PARVB: variants seen among roughly 807,000 people sequenced by gnomAD.
The protein encoded by PARVB is beta-parvin.
In PARVB, 46 loss-of-function variants were observed where a neutral mutation model predicts 47.0. The observed-to-expected ratio is 0.98, with a 90% CI of 0.77 to 1.25. The LOEUF is 1.25. Among genes scored for constraint, PARVB ranks in the 50% most tolerant of loss-of-function variants. PARVB has a pLI of 0.00. For missense variants in PARVB, 473 were observed against 471.6 expected (o/e 1.00, Z -0.03); for synonymous variants, 196 against 196.3 (o/e 1.00, Z 0.01).
intron 11 of PARVB, among the ~76,000 whole-genome samples, chr22:44,160,216 C>T (rs1182395409): frequency 1.3e-5 from 2 of 152,202 alleles, no homozygotes; most frequent in African/African-American, 2.4e-5. Flanking sequence ...CTCCCTCTCT[C>T]TGTCGAGTGG....
chr22:44,139,207 GTTTA>G (rs1555910197), intron 7 of PARVB: 2 of 152,136 alleles, frequency 1.3e-5, no homozygotes, highest in African/African-American at 2.4e-5. Flanking sequence ...GTGTTTGTTT[GTTTA>G]TTTATTTATT....
At chr22:44,016,033 AT>A (rs1283159351) in intron 2 of PARVB, among the ~76,000 whole-genome samples, 1 of 149,376 alleles carries the variant, frequency 6.7e-6, no homozygotes. Context: ...CCAACAACGC[AT>A]TTTTTTGGGA....
In PARVB at chr22:44,169,687, C is replaced by G. The variant is rs1034267463; in HGVS notation, c.*1009C>G. 1 of 149,610 alleles carries G rather than the reference C, an allele frequency of 6.7e-6. No individual in the cohort carries two copies. The highest frequency in any genetic ancestry group is 1.5e-5 in the Non-Finnish European group (1 of 68,096). 9.3% of individuals were successfully genotyped at this position (149,610 alleles called of 1,614,324 possible). On this transcript the variant is annotated 3_prime_UTR_variant, in exon 13 of 13. Coordinates refer to ENST00000338758, the MANE Select transcript of PARVB (RefSeq NM_013327.5). Reference sequence around the variant, plus strand: ...CTCTGTGTGTCTGTGTCCTCACCGCCTCTTTTATTTTATTTTTTATTTTTG... The same window carrying G: ...CTCTGTGTGTCTGTGTCCTCACCGCGTCTTTTATTTTATTTTTTATTTTTG...
intron 1 of PARVB, among the ~76,000 whole-genome samples, chr22:44,081,419 C>G (rs565108183): frequency 6.6e-6 from 1 of 152,328 alleles, no homozygotes; most frequent in South Asian, 2.1e-4. Context: ...GTTTCCATGG[C>G]AGGTGCATAG....
intron 1 of PARVB, among the ~76,000 whole-genome samples, chr22:44,066,795 C>CCTCCTCCTCCTT (rs2051537409): frequency 2.9e-5 from 4 of 140,240 alleles, no homozygotes; most frequent in African/African-American, 1.1e-4. Flanking sequence ...TCCTCCTCCT[C>CCTCCTCCTCCTT]CTCCTCCTCC....
intron 6 of PARVB, among the ~76,000 whole-genome samples, chr22:44,135,025 T>G (rs2053412332): frequency 6.6e-6 from 1 of 152,144 alleles, no homozygotes; most frequent in African/African-American, 2.4e-5. Context: ...CCCACACTGT[T>G]GTTCAATAAC....
intron 2 of PARVB, among the ~76,000 whole-genome samples, chr22:44,001,622 TAGGG>T (rs1366180529): frequency 2.0e-5 from 3 of 152,192 alleles, no homozygotes; most frequent in African/African-American, 4.8e-5. Context: ...CATTAGAAGT[TAGGG>T]AGGTATTGGG....
intron 2 of PARVB, among the ~76,000 whole-genome samples, chr22:44,008,354 C>T (rs1344503481): frequency 2.0e-5 from 3 of 152,116 alleles, no homozygotes; most frequent in Non-Finnish European, 4.4e-5. Flanking sequence ...AAGTGATCCA[C>T]CCACCTCAAC....
intron 1 of PARVB, among the ~76,000 whole-genome samples, chr22:44,067,446 G>A (rs2051560499): frequency 6.6e-6 from 1 of 152,220 alleles, no homozygotes; most frequent in Non-Finnish European, 1.5e-5. Context: ...CTGACCACCA[G>A]CCCCAGGCAT....
At position 44,157,307 on chromosome 22, in the gene PARVB, G is replaced by A. The variant is rs184629598; in HGVS notation, c.844-675G>A. 1.9e-3 allele frequency among the ~76,000 whole-genome samples: 291 copies of A among 152,310 alleles called. 2 individuals are homozygous for A. The highest frequency in any genetic ancestry group is 3.4e-3 in the Middle Eastern group (1 of 294). The stretch of plus-strand genomic sequence containing the variant: ...CCAGGTGCTCCCTCCCAGCCGTCTC[G>A]CTGTGTCTTCACGACAGCCCTGAAT... On this transcript the variant is annotated intron_variant, in intron 10 of 12. Transcript: ENST00000338758.
upstream of PARVB, among the ~76,000 whole-genome samples, chr22:44,021,756 GACTCACACACACACACACACACAC>G (rs1490063707): frequency 5.2e-4 from 55 of 105,094 alleles, no homozygotes; most frequent in Admixed American, 3.3e-3. Context: ...GTAAAGTCTA[GACTCACACACACACACACACACAC>G]ACACACACAC....
chr22:44,134,575 G>A (rs1201559237), intron 6 of PARVB, among the ~76,000 whole-genome samples: 3 of 152,202 alleles, frequency 2.0e-5, no homozygotes, highest in Non-Finnish European at 2.9e-5. Flanking sequence ...GTTTGGCCAC[G>A]ACCAAAGCAG....
At chr22:44,122,580 G>GAC (rs2053091234) in intron 4 of PARVB, among the ~76,000 whole-genome samples, 2 of 136,948 alleles carry the variant, frequency 1.5e-5, no homozygotes, top group African/African-American at 6.2e-5. Context: ...GAGAGAGAGA[G>GAC]AGAGAGAGAG....
chr22:44,043,675 C>T (rs2051062414), intron 1 of PARVB, among the ~76,000 whole-genome samples: 1 of 152,200 alleles, frequency 6.6e-6, no homozygotes, highest in African/African-American at 2.4e-5. Context: ...CTGCGCCCAG[C>T]CGAATTGTAC....
chr22:44,096,076 T>C (rs1181311232), intron 2 of PARVB, among the ~76,000 whole-genome samples: 1 of 151,974 alleles, frequency 6.6e-6, no homozygotes, highest in Non-Finnish European at 1.5e-5. Flanking sequence ...AATACAAAAA[T>C]TGGCTGAGTG....
chr22:44,101,423 AT>A, intron 3 of PARVB, among the ~76,000 whole-genome samples: 1 of 145,186 alleles, frequency 6.9e-6, no homozygotes, highest in East Asian at 2.0e-4. Flanking sequence ...AAAATAAAAA[AT>A]AAAAAATAAA....
In PARVB at chr22:44,161,826, G is replaced by A. The variant is rs79183876; in HGVS notation, c.946-2032G>A. On this transcript the variant is annotated intron_variant, in intron 11 of 12. Transcript: ENST00000338758. ...GCGTTCTGCACCCTCCGCACGGGCC[G>A]TCCTCACTCCTCCCCCATTGCCAGT... is the stretch of plus-strand genomic sequence containing the variant. Among the ~76,000 whole-genome samples, 893 of 152,304 alleles carry A rather than the reference G, an allele frequency of 5.9e-3. 8 individuals are homozygous for A. Among genetic ancestry groups the A allele is most frequent in the African/African-American group, 0.021 (856 of 41,556 alleles).
chr22:44,162,129 A>G (rs970469527), intron 11 of PARVB, among the ~76,000 whole-genome samples: 1 of 152,226 alleles, frequency 6.6e-6, no homozygotes, highest in Non-Finnish European at 1.5e-5. Flanking sequence ...CTCCGAGCAC[A>G]GGCCGTGTGC....
intron 2 of PARVB, among the ~76,000 whole-genome samples, chr22:44,002,858 C>A (rs2050426921): frequency 6.6e-6 from 1 of 151,916 alleles, no homozygotes; most frequent in Non-Finnish European, 1.5e-5. Context: ...CGTCTCGGTG[C>A]CAGAGTTGTA....
Sources: allele counts gnomAD v4.1 joint callset (sites outside exome capture counted in the v4.1 genomes callset), GRCh38; gene constraint gnomAD v4.1.1; transcripts MANE v1.5; gene names NCBI Gene and HGNC (gene_info 2026-07-23, HGNC 2026-07-21).